The following CSMD2 variants were observed in gnomAD, a reference collection of about 807,000 sequenced individuals.
The protein encoded by CSMD2 is CUB and sushi domain-containing protein 2.
A neutral mutation model predicts 398.5 loss-of-function variants in CSMD2; 130 were observed. That is an observed-to-expected ratio of 0.33 (90% confidence interval 0.28 to 0.38). The LOEUF (loss-of-function observed/expected upper bound fraction) is 0.38, where lower values mean the gene tolerates loss of function less well. Among genes scored for constraint, CSMD2 ranks in the 10% least tolerant of loss-of-function variants. The pLI is 1.00. For synonymous variants in CSMD2, 1,828 were observed against 1,908.5 expected (o/e 0.96, Z 1.10); for missense variants, 3,829 against 4,764.9 (o/e 0.80, Z 5.78).
intron 25 of CSMD2, among the ~76,000 whole-genome samples, chr1:33,680,918 CTTTTTTTTT>C (rs66489770): frequency 1.0e-3 from 79 of 75,944 alleles, no homozygotes; most frequent in African/African-American, 3.9e-3. Flanking sequence ...CTGTTTTATG[CTTTTTTTTT>C]TTTTTTTTTT....
chr1:33,670,790 G>A (rs1024548495), intron 25 of CSMD2, among the ~76,000 whole-genome samples: 8 of 152,218 alleles, frequency 5.3e-5, no homozygotes, highest in African/African-American at 1.9e-4. Context: ...ATTCAGATAA[G>A]AATATGGCAT....
At chr1:34,069,855 T>C (rs1182239597) in intron 2 of CSMD2, among the ~76,000 whole-genome samples, 1 of 152,182 alleles carries the variant, frequency 6.6e-6, no homozygotes, top group African/African-American at 2.4e-5. Flanking sequence ...ATACCTTATT[T>C]TTCATTTGAC....
At chr1:33,886,503 G>A (rs546825810) in intron 5 of CSMD2, among the ~76,000 whole-genome samples, 72 of 152,322 alleles carry the variant, frequency 4.7e-4, no homozygotes, top group Non-Finnish European at 9.7e-4. Flanking sequence ...TCCAGTTAGG[G>A]AATCAGGGGA....
intron 37 of CSMD2, among the ~76,000 whole-genome samples, chr1:33,619,830 C>A (rs867212845): frequency 1.3e-5 from 2 of 152,138 alleles, no homozygotes; most frequent in African/African-American, 4.8e-5. Context: ...TTAAAAAAAA[C>A]CCATCAAACT....
chr1:33,582,049 A>C (rs1323000519), intron 47 of CSMD2, among the ~76,000 whole-genome samples: 1 of 152,160 alleles, frequency 6.6e-6, no homozygotes, highest in Non-Finnish European at 1.5e-5. Context: ...GGAGGTGAGG[A>C]GCTCCAGCCT....
chr1:33,600,742 G>C, intron 44 of CSMD2, 123 bp downstream of exon 44: 1 of 912,182 alleles, frequency 1.1e-6, no homozygotes. Flanking sequence ...AAGACACTGA[G>C]GCTCCAAGAG....
rs201297249 is a variant in CSMD2 at position 33,958,487 on chromosome 1, A to AT, written c.518-22534dup. Among the ~76,000 whole-genome samples, 67 of 151,354 alleles carry AT rather than the reference A, an allele frequency of 4.4e-4. 1 individual carries two copies. Among genetic ancestry groups the AT allele is most frequent in the East Asian group, 3.1e-3 (16 of 5,140 alleles). The stretch of plus-strand genomic sequence containing the variant: ...AAAGTTATATGGCAGAGGTGAAGGG[A>AT]TTTTTTTTTGCAGACATAACTGAGG... On this transcript the variant is annotated intron_variant, in intron 3 of 70. Coordinates refer to ENST00000373381, the MANE Select transcript of CSMD2 (RefSeq NM_001281956.2).
intron 1 of CSMD2, among the ~76,000 whole-genome samples, chr1:34,155,074 A>G (rs1235605579): frequency 6.6e-6 from 1 of 152,188 alleles, no homozygotes; most frequent in Non-Finnish European, 1.5e-5. Context: ...CAGAATGAGT[A>G]CTTATTGGGA....
At chr1:34,065,571 C>T (rs1655021945) in intron 2 of CSMD2, among the ~76,000 whole-genome samples, 3 of 152,144 alleles carry the variant, frequency 2.0e-5, no homozygotes, top group Admixed American at 2.0e-4. Context: ...ATCTCTGGTG[C>T]TTACTAGCTG....
intron 3 of CSMD2, among the ~76,000 whole-genome samples, chr1:33,942,958 T>G (rs544126471): frequency 2.6e-5 from 4 of 152,328 alleles, no homozygotes; most frequent in Middle Eastern, 3.4e-3. Flanking sequence ...CCAACTCTGA[T>G]CTTCTCACTG....
At chr1:33,790,919 T>C (rs993740097) in intron 11 of CSMD2, among the ~76,000 whole-genome samples, 1 of 152,222 alleles carries the variant, frequency 6.6e-6, no homozygotes, top group Non-Finnish European at 1.5e-5. Flanking sequence ...GAATTAGGCA[T>C]GGGGGAGAAT....
At chr1:33,817,183 T>C (rs1657564782) in intron 9 of CSMD2, among the ~76,000 whole-genome samples, 1 of 152,214 alleles carries the variant, frequency 6.6e-6, no homozygotes, top group South Asian at 2.1e-4. Context: ...ATCTCAGCCC[T>C]GGGCCTTCAG....
chr1:33,626,630 G>A lies in CSMD2; in HGVS notation c.5201-49C>T, dbSNP rs747651423. ...GAGAGAACAGTGAGTCCAGCAGGTG[G>A]GCCCAGAAGATAAAATCCTGGCCAG... On this transcript the variant is annotated intron_variant, in intron 32 of 70. Coordinates refer to ENST00000373381, the MANE Select transcript of CSMD2 (RefSeq NM_001281956.2). The A allele has an allele frequency of 2.9e-6, 4 of 1,403,504 alleles. No homozygotes were observed. The East Asian group carries it at 9.7e-5, about 34-fold the overall frequency. 86.9% of individuals were successfully genotyped at this position (1,403,504 alleles called of 1,614,324 possible). A position where few individuals can be genotyped will look rare whatever the true frequency, so the allele number is the denominator to read the frequency against.
At chr1:33,782,968 G>A (rs763654967) in intron 12 of CSMD2, among the ~76,000 whole-genome samples, 1 of 152,124 alleles carries the variant, frequency 6.6e-6, no homozygotes, top group Non-Finnish European at 1.5e-5. Flanking sequence ...GGGAGTGAGA[G>A]GACTAGAGCC....
intron 7 of CSMD2, among the ~76,000 whole-genome samples, chr1:33,823,208 C>T (rs1264377312): frequency 2.6e-4 from 40 of 152,166 alleles, no homozygotes; most frequent in Admixed American, 2.6e-3. Context: ...CAGGCACCAT[C>T]CAGAAAGTCA....
At chr1:34,089,643 C>A (rs971118103) in intron 1 of CSMD2, among the ~76,000 whole-genome samples, 6 of 152,248 alleles carry the variant, frequency 3.9e-5, no homozygotes, top group Admixed American at 2.0e-4. Flanking sequence ...CCCTTGTCTT[C>A]CCAATTCCAA....
At chr1:33,721,555 C>T (rs1443430517) in intron 19 of CSMD2, among the ~76,000 whole-genome samples, 1 of 152,154 alleles carries the variant, frequency 6.6e-6, no homozygotes, top group Non-Finnish European at 1.5e-5. Context: ...CAATGGTCTC[C>T]TCTGACCAGG....
At chr1:33,541,661 C>A (rs2641955) in intron 58 of CSMD2, among the ~76,000 whole-genome samples, 55 of 152,078 alleles carry the variant, frequency 3.6e-4, no homozygotes, top group Non-Finnish European at 7.1e-4. Context: ...TTTGTCAAAT[C>A]CCTGGCATCA....
intron 10 of CSMD2, among the ~76,000 whole-genome samples, chr1:33,798,756 C>A (rs1655253133): frequency 6.6e-6 from 1 of 152,178 alleles, no homozygotes; most frequent in Non-Finnish European, 1.5e-5. Flanking sequence ...GGTGTCACAG[C>A]CACCTTGTCC....
Sources: gnomAD v4.1 joint callset for allele counts (sites outside exome capture counted in the v4.1 genomes callset) on GRCh38, gnomAD v4.1.1 for gene constraint, MANE v1.5 for transcripts, NCBI Gene and HGNC (gene_info 2026-07-23, HGNC 2026-07-21) for gene names.